The following TENM4 variants were observed in gnomAD, a reference collection of about 807,000 sequenced individuals.
The protein encoded by TENM4 is teneurin transmembrane protein 4, also known as teneurin-4.
TENM4 carries 82 observed loss-of-function variants against 243.3 expected under a neutral mutation model. The observed-to-expected ratio is 0.34, with a 90% CI of 0.28 to 0.40. The LOEUF is 0.40. Ranked by LOEUF, TENM4 falls within the 10% of genes least tolerant of loss-of-function variation. The pLI is 1.00. For missense variants in TENM4, 3,138 were observed against 3,673.3 expected (o/e 0.85, Z 3.77); for synonymous variants, 1,412 against 1,456.3 (o/e 0.97, Z 0.69).
intron 3 of TENM4, among the ~76,000 whole-genome samples, chr11:79,189,101 C>T (rs1308560703): frequency 6.6e-6 from 1 of 152,146 alleles, no homozygotes; most frequent in Non-Finnish European, 1.5e-5. Context: ...ATTTAAAATA[C>T]TATTTTGTAT....
intron 6 of TENM4, among the ~76,000 whole-genome samples, chr11:78,933,873 T>C (rs1856724468): frequency 6.6e-6 from 1 of 152,156 alleles, no homozygotes; most frequent in African/African-American, 2.4e-5. Flanking sequence ...CTGTGCTTTA[T>C]AAAGAGCTCA....
At chr11:78,925,956 T>TAA (rs1213501148) in intron 6 of TENM4, among the ~76,000 whole-genome samples, 4 of 142,292 alleles carry the variant, frequency 2.8e-5, no homozygotes, top group African/African-American at 1.1e-4. Flanking sequence ...GGAAAAGAAA[T>TAA]AAAAAAAAAA....
At chr11:78,799,288 G>A (rs1157814446) in intron 15 of TENM4, among the ~76,000 whole-genome samples, 4 of 152,184 alleles carry the variant, frequency 2.6e-5, no homozygotes, top group African/African-American at 9.7e-5. Context: ...TCAATGACCA[G>A]TGTTGGGGCT....
chr11:79,173,875 G>C lies in TENM4; in HGVS notation c.-162-25069C>G, dbSNP rs182740816. Among the ~76,000 whole-genome samples the C allele has an allele frequency of 2.3e-3, 355 of 152,300 alleles. 1 individual carries two copies. Among genetic ancestry groups the C allele is most frequent in the African/African-American group, 7.9e-3 (329 of 41,558 alleles). On this transcript the variant is annotated intron_variant, in intron 3 of 33. Coordinates refer to ENST00000278550, the MANE Select transcript of TENM4 (RefSeq NM_001098816.3). ...ATTTAGCCCAGAAGAATGTCTTCAG[G>C]AATGAATCACGAAGGGAATGTTGTC... is the stretch of plus-strand genomic sequence containing the variant.
At chr11:79,121,192 GGCTTTCTTGTTTACA>G (rs1861738746) in intron 4 of TENM4, among the ~76,000 whole-genome samples, 1 of 14,766 alleles carries the variant, frequency 6.8e-5, no homozygotes, top group African/African-American at 9.1e-5. Flanking sequence ...TGTTTACATA[GGCTTTCTTGTTTACA>G]TAGGCTTTCT....
At chr11:79,388,387 T>C (rs568151641) in intron 1 of TENM4, among the ~76,000 whole-genome samples, 1 of 152,222 alleles carries the variant, frequency 6.6e-6, no homozygotes, top group Admixed American at 6.5e-5. Flanking sequence ...ACCAAAAAAT[T>C]CAAGGGAAAC....
At chr11:78,695,529 A>C (rs1387951886) in intron 28 of TENM4, among the ~76,000 whole-genome samples, 1 of 151,886 alleles carries the variant, frequency 6.6e-6, no homozygotes, top group East Asian at 1.9e-4. Flanking sequence ...ATGCCCAGCT[A>C]ATTTTGTATT....
chr11:79,318,995 G>T (rs1856845893), intron 1 of TENM4, among the ~76,000 whole-genome samples: 1 of 152,160 alleles, frequency 6.6e-6, no homozygotes, highest in African/African-American at 2.4e-5. Context: ...TATCACTGCT[G>T]GTGGCACTTC....
chr11:78,755,290 G>A (rs1856280311), intron 19 of TENM4, among the ~76,000 whole-genome samples: 3 of 151,998 alleles, frequency 2.0e-5, no homozygotes, highest in Non-Finnish European at 4.4e-5. Context: ...TCAGCCTCCT[G>A]AGTAGCTGGG....
chr11:78,799,085 T>G (rs1394087766), intron 15 of TENM4, among the ~76,000 whole-genome samples: 1 of 152,148 alleles, frequency 6.6e-6, no homozygotes, highest in Non-Finnish European at 1.5e-5. Flanking sequence ...CTGGAGCTAC[T>G]GTGGGGTGCT....
At chr11:78,830,262 C>T (rs964260531) in intron 12 of TENM4, among the ~76,000 whole-genome samples, 1 of 152,218 alleles carries the variant, frequency 6.6e-6, no homozygotes, top group African/African-American at 2.4e-5. Context: ...TCCACTACTG[C>T]TCACCCTGGA....
intron 12 of TENM4, among the ~76,000 whole-genome samples, chr11:78,821,356 T>C (rs931044646): frequency 6.6e-6 from 1 of 152,236 alleles, no homozygotes; most frequent in Admixed American, 6.5e-5. Context: ...ATAATATTTA[T>C]TGTATTGATA....
chr11:79,420,206 C>T (rs1436469634), intron 1 of TENM4, among the ~76,000 whole-genome samples: 3 of 152,108 alleles, frequency 2.0e-5, no homozygotes, highest in African/African-American at 4.8e-5. Context: ...CATGTTAAAT[C>T]CTTACTCTTT....
chr11:79,105,316 C>A lies in TENM4; in HGVS notation c.-65-35307G>T, dbSNP rs1046526705. 8.5e-5 allele frequency among the ~76,000 whole-genome samples: 13 copies of A among 152,314 alleles called. No individual in the cohort carries two copies. In the East Asian group the frequency reaches 2.5e-3, roughly 29 times the overall value. On this transcript the variant is annotated intron_variant, in intron 4 of 33. Coordinates refer to ENST00000278550, the MANE Select transcript of TENM4 (RefSeq NM_001098816.3). ...ACTTCCCATCACCTGTGTGCTCAAG[C>A]AAATCCAGTCTGACACTGGGTGAAG...
intron 6 of TENM4, among the ~76,000 whole-genome samples, chr11:78,996,202 T>C (rs1858168515): frequency 6.6e-6 from 1 of 152,228 alleles, no homozygotes; most frequent in African/African-American, 2.4e-5. Context: ...CTACTTTAAC[T>C]AATTGAATGC....
At chr11:78,759,542 C>G (rs1016117853) in intron 18 of TENM4, among the ~76,000 whole-genome samples, 2 of 152,168 alleles carry the variant, frequency 1.3e-5, no homozygotes, top group Non-Finnish European at 2.9e-5. Flanking sequence ...TGTGTTTTAC[C>G]CTTTTATAAA....
chr11:79,316,735 C>G (rs1856808999), intron 1 of TENM4, among the ~76,000 whole-genome samples: 1 of 152,146 alleles, frequency 6.6e-6, no homozygotes, highest in South Asian at 2.1e-4. Flanking sequence ...GCAAGAGTGC[C>G]TGTGGATTAT....
chr11:79,396,664 G>A (rs868607227), intron 1 of TENM4, among the ~76,000 whole-genome samples: 5 of 152,304 alleles, frequency 3.3e-5, no homozygotes, highest in African/African-American at 4.8e-5. Context: ...GCGCTCCAGC[G>A]GCCAAGCCAA....
chr11:78,908,240 A>T (rs1368684991), intron 6 of TENM4, among the ~76,000 whole-genome samples: 1 of 152,176 alleles, frequency 6.6e-6, no homozygotes, highest in African/African-American at 2.4e-5. Flanking sequence ...AAGCTGTGTG[A>T]CTGTCATCAA....
Sources: gnomAD v4.1 joint callset for allele counts (sites outside exome capture counted in the v4.1 genomes callset) on GRCh38, gnomAD v4.1.1 for gene constraint, MANE v1.5 for transcripts, NCBI Gene and HGNC (gene_info 2026-07-23, HGNC 2026-07-21) for gene names.